The following COG3 variants were observed in gnomAD, a reference collection of about 807,000 sequenced individuals.
The protein encoded by COG3 is conserved oligomeric Golgi complex subunit 3.
Under a neutral mutation model 114.1 loss-of-function variants are expected in COG3, and 32 were observed. The observed-to-expected ratio is 0.28, with a 90% CI of 0.21 to 0.38. COG3 has a LOEUF of 0.38. Among genes scored for constraint, COG3 ranks in the 10% least tolerant of loss-of-function variants. The pLI is 1.00. For missense variants in COG3, 813 were observed against 973.2 expected (o/e 0.84, Z 2.19); for synonymous variants, 352 against 365.7 (o/e 0.96, Z 0.43).
At chr13:45,475,117 G>T (rs1487275103) in intron 1 of COG3, among the ~76,000 whole-genome samples, 1 of 152,194 alleles carries the variant, frequency 6.6e-6, no homozygotes, top group Non-Finnish European at 1.5e-5. Context: ...AAATTTGTCA[G>T]CAGGAAGGTG....
chr13:45,518,141 G>A (rs1871737916), intron 17 of COG3, among the ~76,000 whole-genome samples: 1 of 152,142 alleles, frequency 6.6e-6, no homozygotes, highest in East Asian at 1.9e-4. Flanking sequence ...TTCATGCTTT[G>A]CTTTATCTGG....
At chr13:45,510,881 G>A (rs1405729532) in intron 15 of COG3, among the ~76,000 whole-genome samples, 1 of 152,260 alleles carries the variant, frequency 6.6e-6, no homozygotes, top group Non-Finnish European at 1.5e-5. Context: ...TGACCCAGCA[G>A]GTGGCAGCTC....
At chr13:45,477,530 A>G (rs1490171261) in intron 2 of COG3, among the ~76,000 whole-genome samples, 3 of 152,086 alleles carry the variant, frequency 2.0e-5, no homozygotes, top group Non-Finnish European at 4.4e-5. Context: ...GTTTCTTCAT[A>G]CTTGTTTAAG....
chr13:45,480,182 T>C lies in COG3; in HGVS notation c.441T>C (p.Asp147=). The C allele has an allele frequency of 6.2e-7, 1 of 1,613,812 alleles. No homozygotes were observed. Among genetic ancestry groups the C allele is most frequent in the Non-Finnish European group, 8.5e-7 (1 of 1,179,768 alleles). The part of the protein sequence containing the change: ...FQEQCDAILN[D]VNSALQHLES... The stretch of plus-strand genomic sequence containing the variant: ...AGCAGTGTGATGCTATATTGAATGA[T>C]GTAAACAGTGCTCTTCAGCATCTGG... Residue 147 remains aspartate (D), a synonymous_variant, in exon 4 of 23, where the codon GAT becomes GAC. Transcript: ENST00000349995.
rs985825010 is a variant in COG3 at position 45,535,991 on chromosome 13, G to A, written c.*1260G>A. ...AGTGGGTGCCTGTAACTCATTAGAC[G>A]TACTGAGGCAGCACTTCTGCAGGGT... On this transcript the variant is annotated 3_prime_UTR_variant, in exon 23 of 23. Transcript: ENST00000349995. 7 of 406,506 alleles carry A rather than the reference G, an allele frequency of 1.7e-5. No individual in the cohort carries two copies. The highest frequency in any genetic ancestry group is 3.2e-4 in the East Asian group (2 of 6,204). 25.2% of individuals were successfully genotyped at this position (406,506 alleles called of 1,614,324 possible). A position where few individuals can be genotyped will look rare whatever the true frequency, so the allele number is the denominator to read the frequency against.
intron 13 of COG3, among the ~76,000 whole-genome samples, chr13:45,499,818 T>TC (rs1385522003): frequency 5.9e-5 from 9 of 152,192 alleles, no homozygotes; most frequent in Admixed American, 6.5e-5. Flanking sequence ...GCCCAGTAGT[T>TC]CAAGACCAGC....
At chr13:45,525,825 T>G (rs904547915) in intron 20 of COG3, among the ~76,000 whole-genome samples, 3 of 151,392 alleles carry the variant, frequency 2.0e-5, no homozygotes, top group Non-Finnish European at 4.4e-5. Flanking sequence ...ATGGGCAAAA[T>G]GATGAAAGAA....
rs1886171096 is a variant in COG3 at position 45,480,310 on chromosome 13, AG to A, written c.549+22del. 2 of 1,523,958 alleles carry A rather than the reference AG, an allele frequency of 1.3e-6. No individual in the cohort carries two copies. Among genetic ancestry groups the A allele is most frequent in the Non-Finnish European group, 1.8e-6 (2 of 1,116,096 alleles). The allele number at this position is 1,523,958 out of a possible 1,614,324, so 94.4% of individuals were successfully genotyped here. A position where few individuals can be genotyped will look rare whatever the true frequency, so the allele number is the denominator to read the frequency against. ...GAACAGGTAATTTGGAGTAAGAGAG[AG>A]GATCAGTCATTATATTTAATATTTT... On this transcript the variant is annotated intron_variant, in intron 4 of 22. Coordinates refer to ENST00000349995, the MANE Select transcript of COG3 (RefSeq NM_031431.4).
chr13:45,524,899 A>G, intron 19 of COG3, 77 bp from the exon 20 acceptor site: 2 of 1,050,612 alleles, frequency 1.9e-6, no homozygotes, highest in Non-Finnish European at 2.9e-6. Flanking sequence ...TGAGAGCAGT[A>G]CCACCCTTGA....
rs1566265727 is a variant in COG3, at chr13:45,513,222, T to TAATATATACATATAAATTATAC, written c.1809+1369_1809+1370insATATATACATATAAATTATACA. On this transcript the variant is annotated intron_variant, in intron 16 of 22. Coordinates refer to ENST00000349995, the MANE Select transcript of COG3 (RefSeq NM_031431.4). ...ATAATATATACATATAAATTATATA[T>TAATATATACATATAAATTATAC]ATATAATATATACATATAAATTATA... is the stretch of plus-strand genomic sequence containing the variant. Among the ~76,000 whole-genome samples, 30 of 17,916 alleles carry TAATATATACATATAAATTATAC rather than the reference T, an allele frequency of 1.7e-3. 7 individuals carry two copies. The highest frequency in any genetic ancestry group is 9.3e-3 in the South Asian group (4 of 432). The allele number at this position is 17,916 out of a possible 152,430, so 11.8% of individuals were successfully genotyped here. A position where few individuals can be genotyped will look rare whatever the true frequency, so the allele number is the denominator to read the frequency against.
rs974350205 is a variant in COG3, at chr13:45,464,980, C to G, written c.-57C>G. 3 of 1,521,926 alleles carry G rather than the reference C, an allele frequency of 2.0e-6. No homozygotes were observed. The highest frequency in any genetic ancestry group is 2.6e-6 in the Non-Finnish European group (3 of 1,137,512). 94.3% of individuals were successfully genotyped at this position (1,521,926 alleles called of 1,614,324 possible). ...CGGTTCTCCCGGAAGTGGCCCAGGT[C>G]TCTCTGTCGGGGTCCCCTCCATCTC... is the stretch of plus-strand genomic sequence containing the variant. On this transcript the variant is annotated 5_prime_UTR_variant, in exon 1 of 23. Transcript: ENST00000349995.
chr13:45,483,611 C>G (rs371982339), intron 7 of COG3, among the ~76,000 whole-genome samples: 3 of 152,060 alleles, frequency 2.0e-5, no homozygotes, highest in African/African-American at 7.2e-5. Context: ...TAATCAGATA[C>G]AAATTATTTG....
intron 16 of COG3, among the ~76,000 whole-genome samples, chr13:45,512,734 TCTC>T (rs1278425210): frequency 3.3e-5 from 5 of 151,922 alleles, no homozygotes; most frequent in African/African-American, 9.7e-5. Context: ...GTGAAGCAAT[TCTC>T]CTGCTTCAGC....
intron 14 of COG3, among the ~76,000 whole-genome samples, chr13:45,509,318 G>A (rs1035629309): frequency 6.6e-6 from 1 of 152,200 alleles, no homozygotes; most frequent in African/African-American, 2.4e-5. Flanking sequence ...GGTTACAGGC[G>A]TGAGCCACTG....
chr13:45,487,612 A>C (rs868278418), intron 8 of COG3, among the ~76,000 whole-genome samples: 6 of 152,218 alleles, frequency 3.9e-5, no homozygotes, highest in African/African-American at 9.6e-5. Context: ...GACTATACAG[A>C]TGGCCAGCAG....
At chr13:45,515,702 T>C (rs1203043314) in intron 16 of COG3, among the ~76,000 whole-genome samples, 2 of 152,216 alleles carry the variant, frequency 1.3e-5, no homozygotes, top group Non-Finnish European at 2.9e-5. Context: ...ATGTTCTAGA[T>C]ATTGAAACCA....
intron 3 of COG3, 45 bp downstream of exon 3, chr13:45,479,111 C>G (rs1424112846): frequency 7.5e-7 from 1 of 1,339,938 alleles, no homozygotes; most frequent in African/African-American, 1.5e-5. Flanking sequence ...ATTTTTAGAT[C>G]ACAGTCATCT....
Position 45,489,186 on chromosome 13 carries a change from C to CA in COG3, c.925-1703dup, listed in dbSNP as rs71074703. On this transcript the variant is annotated intron_variant, in intron 8 of 22. Coordinates refer to ENST00000349995, the MANE Select transcript of COG3 (RefSeq NM_031431.4). ...TGGGTGACAAAGTGAGACTCTGTTTCAAAAAAAAAAAAAAAAAAAAAAAAA... is the reference window on the plus strand; with the variant it reads ...TGGGTGACAAAGTGAGACTCTGTTTCAAAAAAAAAAAAAAAAAAAAAAAAAA... Among the ~76,000 whole-genome samples, 44 of 30,404 alleles carry CA rather than the reference C, an allele frequency of 1.4e-3. 2 individuals carry two copies. The highest frequency in any genetic ancestry group is 0.045 in the Middle Eastern group (2 of 44). 19.9% of individuals were successfully genotyped at this position (30,404 alleles called of 152,430 possible). A position where few individuals can be genotyped will look rare whatever the true frequency, so the allele number is the denominator to read the frequency against.
At chr13:45,474,558 C>T (rs189241741) in intron 1 of COG3, among the ~76,000 whole-genome samples, 1 of 152,212 alleles carries the variant, frequency 6.6e-6, no homozygotes, top group Non-Finnish European at 1.5e-5. Context: ...AAGTAATTTG[C>T]CCCATGTCAC....
Sources: gnomAD v4.1 joint callset for allele counts (sites outside exome capture counted in the v4.1 genomes callset) on GRCh38, gnomAD v4.1.1 for gene constraint, MANE v1.5 for transcripts, NCBI Gene and HGNC (gene_info 2026-07-23, HGNC 2026-07-21) for gene names.